The following TRAK1 variants were observed in gnomAD, a reference collection of about 807,000 sequenced individuals.
The protein encoded by TRAK1 is trafficking kinesin protein 1.
Under a neutral mutation model 92.1 loss-of-function variants are expected in TRAK1, and 33 were observed. The ratio of observed to expected loss-of-function variants is 0.36; its 90% CI spans 0.27 to 0.48. The LOEUF (loss-of-function observed/expected upper bound fraction) is 0.48, where lower values mean the gene tolerates loss of function less well. Ranked by LOEUF, TRAK1 falls within the 20% of genes least tolerant of loss-of-function variation. The pLI, the probability that TRAK1 is intolerant of heterozygous loss-of-function variation, is 0.99. For missense variants in TRAK1, 1,123 were observed against 1,257.9 expected (o/e 0.89, Z 1.62); for synonymous variants, 521 against 517.3 (o/e 1.01, Z -0.10).
At chr3:42,043,370 A>C (rs1702625309) in intron 1 of TRAK1, among the ~76,000 whole-genome samples, 5 of 146,244 alleles carry the variant, frequency 3.4e-5, no homozygotes, top group South Asian at 2.2e-4. Context: ...TGCTTCCCTC[A>C]CCCTCTTCTT....
At chr3:42,026,443 A>C (rs1377115713) in intron 1 of TRAK1, among the ~76,000 whole-genome samples, 1 of 151,216 alleles carries the variant, frequency 6.6e-6, no homozygotes, top group Non-Finnish European at 1.5e-5. Flanking sequence ...TTACATACCA[A>C]TTTGTGTGTT....
intron 13 of TRAK1, among the ~76,000 whole-genome samples, chr3:42,207,197 AG>A (rs1708433132): frequency 6.6e-6 from 1 of 152,184 alleles, no homozygotes; most frequent in South Asian, 2.1e-4. Context: ...ATGGCAGTAC[AG>A]TGGCTACTTT....
chr3:42,049,051 G>T (rs1020431658), intron 1 of TRAK1, among the ~76,000 whole-genome samples: 3 of 151,210 alleles, frequency 2.0e-5, no homozygotes, highest in African/African-American at 7.3e-5. Context: ...TCATGCCCAG[G>T]TATTTTTTGG....
intron 1 of TRAK1, among the ~76,000 whole-genome samples, chr3:42,062,030 A>G (rs985202771): frequency 3.3e-5 from 5 of 152,204 alleles, no homozygotes; most frequent in African/African-American, 1.2e-4. Context: ...AAGGCTGCCC[A>G]TTTGGGAGAA....
intron 1 of TRAK1, among the ~76,000 whole-genome samples, chr3:42,096,118 G>A (rs1423694097): frequency 2.0e-5 from 3 of 152,200 alleles, no homozygotes; most frequent in African/African-American, 7.2e-5. Context: ...AACAGGCTAG[G>A]AAAACTCAGC....
At chr3:42,128,874 G>A (rs954566716) in intron 2 of TRAK1, among the ~76,000 whole-genome samples, 4 of 152,288 alleles carry the variant, frequency 2.6e-5, no homozygotes, top group Middle Eastern at 3.4e-3. Context: ...TGAAATGGAC[G>A]TGTGGAAGGC....
chr3:42,100,470 A>G (rs541396830), intron 1 of TRAK1, among the ~76,000 whole-genome samples: 1 of 152,274 alleles, frequency 6.6e-6, no homozygotes, highest in African/African-American at 2.4e-5. Context: ...TGTTCCATCT[A>G]CCTTTATTCT....
chr3:42,209,064 T>G (rs1215988267), intron 13 of TRAK1, among the ~76,000 whole-genome samples: 1 of 152,196 alleles, frequency 6.6e-6, no homozygotes, highest in Non-Finnish European at 1.5e-5. Context: ...GGGTTTGGTG[T>G]CATCGAGAAG....
intron 1 of TRAK1, among the ~76,000 whole-genome samples, chr3:42,110,120 A>ATATATATATG (rs1708179182): frequency 7.3e-6 from 1 of 137,854 alleles, no homozygotes; most frequent in Non-Finnish European, 1.6e-5. Context: ...ATATATATAT[A>ATATATATATG]TATATATATA....
chr3:42,224,457 A>G lies in TRAK1; in HGVS notation c.*720A>G, dbSNP rs951046558. 16 of 200,780 alleles carry G rather than the reference A, an allele frequency of 8.0e-5. No individual in the cohort carries two copies. The South Asian group carries it at 1.3e-3, about 16-fold the overall frequency. 12.4% of individuals were successfully genotyped at this position (200,780 alleles called of 1,614,324 possible). On this transcript the variant is annotated 3_prime_UTR_variant, in exon 16 of 16. Transcript: ENST00000327628. ...TATTTACACTCATGCTGCGTTGTTC[A>G]GCAGCCCCTCTGTGTTCTGTGTGAT... is the stretch of plus-strand genomic sequence containing the variant.
chr3:42,088,141 G>A (rs1395136858), upstream of TRAK1, among the ~76,000 whole-genome samples: 1 of 152,170 alleles, frequency 6.6e-6, no homozygotes, highest in Non-Finnish European at 1.5e-5. Context: ...TGTCTGCAGT[G>A]TTTGCTTTTG....
chr3:42,210,053 C>T (rs1708815125), intron 14 of TRAK1, 68 bp downstream of exon 14: 2 of 1,613,380 alleles, frequency 1.2e-6, no homozygotes, highest in East Asian at 2.2e-5. Context: ...CTCAGGCTTC[C>T]CCAGAGGAGA....
At chr3:42,089,813 C>T (rs73828537), upstream of TRAK1, among the ~76,000 whole-genome samples, 3,131 of 152,112 alleles carry the variant, frequency 0.021, 120 homozygotes, top group African/African-American at 0.072. Context: ...ACTAAAGTCG[C>T]GGAGGGCAAA....
At chr3:42,031,610 G>A (rs1702150372) in intron 1 of TRAK1, among the ~76,000 whole-genome samples, 1 of 139,216 alleles carries the variant, frequency 7.2e-6, no homozygotes, top group Admixed American at 7.6e-5. Context: ...TCCAGCTCAG[G>A]GGACAGAGCG....
chr3:42,066,405 G>A (rs1047148880), intron 1 of TRAK1, among the ~76,000 whole-genome samples: 3 of 152,076 alleles, frequency 2.0e-5, no homozygotes, highest in Admixed American at 6.6e-5. Flanking sequence ...GGATTCACTT[G>A]CTCTGAAATG....
rs571160669 is a variant in TRAK1, at chr3:42,184,590, A to G, written c.364-95A>G. ...TTATTAATTCCTTTGTTATTTCTAG[A>G]TGCTTATGTTTTCCTCATTTGACAC... On this transcript the variant is annotated intron_variant, in intron 3 of 15. Transcript: ENST00000327628. 112 of 1,167,400 alleles carry G rather than the reference A, an allele frequency of 9.6e-5. No homozygotes were observed. The Middle Eastern group carries it at 1.4e-3, about 15-fold the overall frequency. The allele number at this position is 1,167,400 out of a possible 1,614,324, so 72.3% of individuals were successfully genotyped here.
At chr3:42,112,047 C>T (rs1708482185) in intron 1 of TRAK1, among the ~76,000 whole-genome samples, 1 of 150,288 alleles carries the variant, frequency 6.7e-6, no homozygotes, top group Non-Finnish European at 1.5e-5. Flanking sequence ...GTAGCCCCTA[C>T]TCCAGAGTGT....
intron 1 of TRAK1, among the ~76,000 whole-genome samples, chr3:42,059,032 A>G (rs564207884): frequency 5.9e-5 from 9 of 152,262 alleles, no homozygotes; most frequent in East Asian, 1.9e-4. Flanking sequence ...ATATATTTGT[A>G]TGTATATGTA....
chr3:42,163,546 C>T (rs1047063730), intron 2 of TRAK1, among the ~76,000 whole-genome samples: 3 of 148,268 alleles, frequency 2.0e-5, no homozygotes, highest in African/African-American at 5.0e-5. Context: ...CCAGCCTGGG[C>T]GGCAGAGCGA....
Sources: allele counts gnomAD v4.1 joint callset (sites outside exome capture counted in the v4.1 genomes callset), GRCh38; gene constraint gnomAD v4.1.1; transcripts MANE v1.5; gene names NCBI Gene and HGNC (gene_info 2026-07-23, HGNC 2026-07-21).